LINGO2: variants seen among roughly 807,000 people sequenced by gnomAD.
The protein encoded by LINGO2 is leucine-rich repeat and immunoglobulin-like domain-containing nogo receptor-interacting protein 2.
LINGO2 carries 14 observed loss-of-function variants against 30.6 expected under a neutral mutation model. That is an observed-to-expected ratio of 0.46 (90% CI 0.30 to 0.72). The LOEUF is 0.72. Among genes scored for constraint, LINGO2 ranks in the 30% least tolerant of loss-of-function variants. The pLI is 0.07. For missense variants in LINGO2, 729 were observed against 751.7 expected (o/e 0.97, Z 0.35); for synonymous variants, 317 against 288.5 (o/e 1.10, Z -1.00).
At chr9:28,923,847 C>T in the LINGO2 span, among the ~76,000 whole-genome samples, 1 of 151,952 alleles carries the variant, frequency 6.6e-6, no homozygotes, top group Non-Finnish European at 1.5e-5. Context: ...ATAATATTTG[C>T]AAGTAAAGAG....
At chr9:28,294,053 C>A (rs745347239) in intron 4 of LINGO2, among the ~76,000 whole-genome samples, 2 of 152,154 alleles carry the variant, frequency 1.3e-5, no homozygotes, top group Non-Finnish European at 2.9e-5. Flanking sequence ...TGGTAATCTA[C>A]ACTATTTCAA....
intron 5 of LINGO2, among the ~76,000 whole-genome samples, chr9:27,982,410 T>C (rs1820923923): frequency 6.6e-6 from 1 of 151,792 alleles, no homozygotes; most frequent in African/African-American, 2.4e-5. Flanking sequence ...CATATAGACA[T>C]ACATATAAAC....
intron 4 of LINGO2, among the ~76,000 whole-genome samples, chr9:28,247,725 A>G (rs1209935694): frequency 1.3e-5 from 2 of 152,210 alleles, no homozygotes; most frequent in Non-Finnish European, 2.9e-5. Context: ...ACACGCCTGC[A>G]TGATCTGCAC....
intron 3 of LINGO2, among the ~76,000 whole-genome samples, chr9:28,307,801 G>C (rs1385589200): frequency 6.6e-6 from 1 of 152,090 alleles, no homozygotes; most frequent in East Asian, 1.9e-4. Context: ...CAAACAGAGA[G>C]CCAAATCATG....
the LINGO2 span, among the ~76,000 whole-genome samples, chr9:29,027,360 C>T: frequency 1.1e-3 from 163 of 152,228 alleles, 3 homozygotes; most frequent in East Asian, 0.015. Context: ...TTATTTGAGA[C>T]AGAGTCTCGC....
intron 4 of LINGO2, among the ~76,000 whole-genome samples, chr9:28,048,493 T>C (rs929430528): frequency 6.6e-6 from 1 of 150,784 alleles, no homozygotes; most frequent in Admixed American, 6.7e-5. Context: ...AGCAAATGGA[T>C]TAAGAAATAT....
chr9:28,592,156 C>T (rs575530174), intron 1 of LINGO2, among the ~76,000 whole-genome samples: 1 of 152,094 alleles, frequency 6.6e-6, no homozygotes, highest in Admixed American at 6.6e-5. Flanking sequence ...TTTATTGTTT[C>T]ATTTAATCTT....
At chr9:28,750,822 G>A in the LINGO2 span, among the ~76,000 whole-genome samples, 3 of 151,980 alleles carry the variant, frequency 2.0e-5, no homozygotes, top group African/African-American at 7.3e-5. Flanking sequence ...TGTGGAAGGC[G>A]GTCTGCCACG....
At chr9:28,286,729 T>A (rs1823521780) in intron 4 of LINGO2, among the ~76,000 whole-genome samples, 1 of 152,156 alleles carries the variant, frequency 6.6e-6, no homozygotes, top group East Asian at 1.9e-4. Flanking sequence ...AAACACCTCA[T>A]GTTCTCACTT....
At chr9:28,292,232 T>C (rs1372868101) in intron 4 of LINGO2, among the ~76,000 whole-genome samples, 1 of 152,154 alleles carries the variant, frequency 6.6e-6, no homozygotes, top group Non-Finnish European at 1.5e-5. Flanking sequence ...CAGCTCTCAT[T>C]AGCCAAGTAA....
At chr9:28,607,397 T>G (rs1168276744) in intron 1 of LINGO2, among the ~76,000 whole-genome samples, 4 of 151,888 alleles carry the variant, frequency 2.6e-5, no homozygotes, top group Non-Finnish European at 5.9e-5. Flanking sequence ...CTATTCATAT[T>G]TTTTCCTACT....
At chr9:28,549,190 CATT>C (rs1481051980) in intron 1 of LINGO2, among the ~76,000 whole-genome samples, 1 of 152,052 alleles carries the variant, frequency 6.6e-6, no homozygotes, top group Non-Finnish European at 1.5e-5. Flanking sequence ...CAATACATAT[CATT>C]GTTGTGTGTG....
At position 28,045,940 on chromosome 9, in the gene LINGO2, A is replaced by G. The variant is rs539398959; in HGVS notation, c.-86-33535T>C. On this transcript the variant is annotated intron_variant, in intron 4 of 5. Coordinates refer to ENST00000379992, the Ensembl canonical transcript of LINGO2. ...TGATGATGATGAAAAGCAAAGAGTTAAACTATGATAACTCAGGTTTCTCTT... is the reference window on the plus strand; with the variant it reads ...TGATGATGATGAAAAGCAAAGAGTTGAACTATGATAACTCAGGTTTCTCTT... Among the ~76,000 whole-genome samples the G allele has an allele frequency of 3.3e-5, 5 of 152,292 alleles. 1 individual carries two copies. Among genetic ancestry groups the G allele is most frequent in the African/African-American group, 1.2e-4 (5 of 41,566 alleles).
the LINGO2 span, among the ~76,000 whole-genome samples, chr9:28,992,932 C>T: frequency 6.6e-6 from 1 of 151,376 alleles, no homozygotes; most frequent in South Asian, 2.1e-4. Flanking sequence ...AAAATTGACA[C>T]CCTTACATCA....
At chr9:28,425,971 C>T (rs1399065872) in intron 2 of LINGO2, among the ~76,000 whole-genome samples, 3 of 151,932 alleles carry the variant, frequency 2.0e-5, no homozygotes, top group Non-Finnish European at 4.4e-5. Flanking sequence ...GGCGTATTTT[C>T]AAGATTAAAT....
chr9:28,774,565 TAA>T, the LINGO2 span, among the ~76,000 whole-genome samples: 1 of 151,770 alleles, frequency 6.6e-6, no homozygotes, highest in Non-Finnish European at 1.5e-5. Context: ...GTGCATGATT[TAA>T]AAGATATCTT....
intron 4 of LINGO2, among the ~76,000 whole-genome samples, chr9:28,250,044 G>A (rs544422322): frequency 2.6e-5 from 4 of 152,170 alleles, no homozygotes; most frequent in African/African-American, 4.8e-5. Context: ...ATAAAGGCAA[G>A]AAAATGTTTT....
At chr9:29,022,533 A>T in the LINGO2 span, among the ~76,000 whole-genome samples, 1 of 152,232 alleles carries the variant, frequency 6.6e-6, no homozygotes, top group African/African-American at 2.4e-5. Context: ...ATGAATACAG[A>T]ACTCACTTTA....
At chr9:27,962,086 G>T (rs1028411008) in intron 5 of LINGO2, among the ~76,000 whole-genome samples, 1 of 152,080 alleles carries the variant, frequency 6.6e-6, no homozygotes, top group Non-Finnish European at 1.5e-5. Context: ...GAATTTCTTT[G>T]GTAGGGCAGG....
Sources: allele counts gnomAD v4.1 joint callset (sites outside exome capture counted in the v4.1 genomes callset), GRCh38; gene constraint gnomAD v4.1.1; transcripts MANE v1.5; gene names NCBI Gene and HGNC (gene_info 2026-07-23, HGNC 2026-07-21).